CBR4: variants seen among roughly 807,000 people sequenced by gnomAD.
CBR4 encodes the protein 3-oxoacyl-[acyl-carrier-protein] reductase.
In CBR4, 22 loss-of-function variants were observed where a neutral mutation model predicts 21.0. The ratio of observed to expected loss-of-function variants is 1.05; its 90% CI spans 0.75 to 1.50. The LOEUF is 1.50. CBR4 is among the 40% of genes most tolerant of loss of function. The pLI is 0.00. For synonymous variants in CBR4, 100 were observed against 104.4 expected (o/e 0.96, Z 0.26); for missense variants, 302 against 286.3 (o/e 1.05, Z -0.40).
At chr4:168,915,805 C>T in intron 2 of CBR4, 1 of 959,026 alleles carries the variant, frequency 1.0e-6, no homozygotes, top group South Asian at 1.3e-5. Context: ...CATATTATTA[C>T]CCCATGTATT....
intron 4 of CBR4, among the ~76,000 whole-genome samples, chr4:168,994,745 A>ATTTTTTT (rs5863973): frequency 2.0e-5 from 1 of 48,784 alleles, no homozygotes; most frequent in Non-Finnish European, 3.8e-5. Flanking sequence ...CGCCTGGCTA[A>ATTTTTTT]TTTTTTTTTT....
chr4:168,952,940 A>T (rs1763583698), intron 2 of CBR4, among the ~76,000 whole-genome samples: 1 of 152,132 alleles, frequency 6.6e-6, no homozygotes, highest in African/African-American at 2.4e-5. Flanking sequence ...CTGTGGTAGT[A>T]TGGAGAGGAA....
intron 2 of CBR4, chr4:168,928,328 A>T (rs1447133658): frequency 1.1e-4 from 5 of 47,432 alleles, no homozygotes; most frequent in South Asian, 2.2e-3. Flanking sequence ...TGTATTTATA[A>T]AAAAAAAAGT....
downstream of CBR4, among the ~76,000 whole-genome samples, chr4:168,985,665 T>C (rs1212827218): frequency 1.3e-5 from 2 of 151,856 alleles, no homozygotes; most frequent in East Asian, 3.9e-4. Flanking sequence ...ATAAAGAAAA[T>C]GTGGTACATA....
intron 2 of CBR4, among the ~76,000 whole-genome samples, chr4:168,939,241 T>C (rs1452202963): frequency 1.3e-5 from 2 of 152,110 alleles, no homozygotes; most frequent in Non-Finnish European, 2.9e-5. Flanking sequence ...CTGACAAAAT[T>C]CAACACCCCT....
Position 168,990,087 on chromosome 4 carries a change from T to G in CBR4, c.*63A>C. On this transcript the variant is annotated 3_prime_UTR_variant, in exon 5 of 5. Coordinates refer to ENST00000306193, the MANE Select transcript of CBR4 (RefSeq NM_032783.5). ...CATGTTACCCATGTAGGTATAATTGTCTAATCAGTAGCCAAAGTGTGCCCT... is the reference window on the plus strand; with the variant it reads ...CATGTTACCCATGTAGGTATAATTGGCTAATCAGTAGCCAAAGTGTGCCCT... 1 of 1,432,572 alleles carries G rather than the reference T, an allele frequency of 7.0e-7. No homozygotes were observed. The highest frequency in any genetic ancestry group is 9.2e-7 in the Non-Finnish European group (1 of 1,085,928). The allele number at this position is 1,432,572 out of a possible 1,614,324, so 88.7% of individuals were successfully genotyped here. A position where few individuals can be genotyped will look rare whatever the true frequency, so the allele number is the denominator to read the frequency against.
exon 3 of CBR4, chr4:168,894,694 G>C: frequency 6.2e-7 from 1 of 1,610,470 alleles, no homozygotes; most frequent in Non-Finnish European, 8.5e-7. Context: ...TGTTGCTCTG[G>C]ACTTCTTAGG....
At chr4:168,971,436 A>ATTTTTTTTTTTTTTTTTTTT (rs70961566) in intron 2 of CBR4, among the ~76,000 whole-genome samples, 3 of 114,118 alleles carry the variant, frequency 2.6e-5, no homozygotes, top group African/African-American at 3.6e-5. Context: ...TGCCCAGCTC[A>ATTTTTTTTTTTTTTTTTTTT]TTTTTTTTTT....
chr4:168,936,644 G>C (rs1763120320), intron 2 of CBR4, among the ~76,000 whole-genome samples: 1 of 152,052 alleles, frequency 6.6e-6, no homozygotes, highest in South Asian at 2.1e-4. Context: ...GTATACAAAA[G>C]TATCAACAGC....
At chr4:168,991,748 T>C (rs1390176482) in intron 4 of CBR4, among the ~76,000 whole-genome samples, 2 of 152,168 alleles carry the variant, frequency 1.3e-5, no homozygotes, top group Admixed American at 6.5e-5. Context: ...GTATCCTGTA[T>C]ATTACTCAAT....
chr4:168,925,276 C>A, intron 2 of CBR4: 1 of 1,601,346 alleles, frequency 6.2e-7, no homozygotes, highest in Non-Finnish European at 8.6e-7. Flanking sequence ...AACAAATACC[C>A]AAGTATCATT....
At chr4:168,911,466 G>T (rs1758931155) in intron 2 of CBR4, among the ~76,000 whole-genome samples, 1 of 152,050 alleles carries the variant, frequency 6.6e-6, no homozygotes, top group African/African-American at 2.4e-5. Flanking sequence ...TCCCACATCA[G>T]GACAATTGGA....
intron 2 of CBR4, among the ~76,000 whole-genome samples, chr4:168,931,699 A>G (rs1302715627): frequency 1.3e-5 from 2 of 152,158 alleles, no homozygotes; most frequent in Admixed American, 6.5e-5. Flanking sequence ...CAAGACCCCA[A>G]GTTGGTTGAC....
intron 1 of CBR4, among the ~76,000 whole-genome samples, chr4:169,009,655 C>T (rs1274379003): frequency 6.6e-6 from 1 of 152,258 alleles, no homozygotes; most frequent in Non-Finnish European, 1.5e-5. Context: ...GCACTAGCCG[C>T]AGGGCGGAGG....
chr4:168,901,247 AC>A (rs1411461379), intron 2 of CBR4, among the ~76,000 whole-genome samples: 1 of 152,212 alleles, frequency 6.6e-6, no homozygotes, highest in Non-Finnish European at 1.5e-5. Flanking sequence ...TTAAAGAAAT[AC>A]ATGTTTTTTT....
chr4:168,972,397 T>C (rs1302388190), intron 2 of CBR4, among the ~76,000 whole-genome samples: 1 of 152,248 alleles, frequency 6.6e-6, no homozygotes, highest in Non-Finnish European at 1.5e-5. Flanking sequence ...CAATATTGAT[T>C]CTACACAGCC....
Position 168,989,988 on chromosome 4 carries a change from C to A in CBR4, c.*162G>T. On this transcript the variant is annotated 3_prime_UTR_variant, in exon 5 of 5. Coordinates refer to ENST00000306193, the MANE Select transcript of CBR4 (RefSeq NM_032783.5). The stretch of plus-strand genomic sequence containing the variant: ...AAAAAAAAAAAACCACAATTTGTCA[C>A]ACATTGTTCTTTTGAGACATATTTT... 8.0e-7 allele frequency: 1 copy of A among 1,242,476 alleles called. No individual in the cohort carries two copies. Among genetic ancestry groups the A allele is most frequent in the Non-Finnish European group, 1.0e-6 (1 of 989,978 alleles). 77.0% of individuals were successfully genotyped at this position (1,242,476 alleles called of 1,614,324 possible).
intron 2 of CBR4, among the ~76,000 whole-genome samples, chr4:168,944,751 T>C (rs1368490266): frequency 1.3e-5 from 2 of 152,252 alleles, no homozygotes; most frequent in African/African-American, 4.8e-5. Flanking sequence ...AAGATGATGT[T>C]TAATGCCAAC....
intron 2 of CBR4, among the ~76,000 whole-genome samples, chr4:168,955,515 T>A (rs1220143235): frequency 6.6e-6 from 1 of 152,204 alleles, no homozygotes; most frequent in Non-Finnish European, 1.5e-5. Flanking sequence ...GCTGAACATA[T>A]TTTATGCTAC....
Sources: gnomAD v4.1 joint callset for allele counts (sites outside exome capture counted in the v4.1 genomes callset) on GRCh38, gnomAD v4.1.1 for gene constraint, MANE v1.5 for transcripts, NCBI Gene and HGNC (gene_info 2026-07-23, HGNC 2026-07-21) for gene names.